TENM2: variants seen among roughly 807,000 people sequenced by gnomAD.
TENM2 encodes teneurin transmembrane protein 2, also known as teneurin-2.
A neutral mutation model predicts 245.2 loss-of-function variants in TENM2; 52 were observed. The observed-to-expected ratio is 0.21, with a 90% CI of 0.17 to 0.27. The LOEUF (loss-of-function observed/expected upper bound fraction) is 0.27. Ranked by LOEUF, TENM2 falls within the 10% of genes least tolerant of loss-of-function variation. TENM2 has a pLI of 1.00. For synonymous variants in TENM2, 1,363 were observed against 1,438.9 expected, an observed-to-expected ratio of 0.95 and a Z score of 1.19; for missense variants, 3,046 against 3,666.8, an observed-to-expected ratio of 0.83 and a Z score of 4.37.
At chr5:167,838,805 G>A (rs1257240572) in intron 2 of TENM2, among the ~76,000 whole-genome samples, 2 of 152,130 alleles carry the variant, frequency 1.3e-5, no homozygotes, top group Non-Finnish European at 2.9e-5. Flanking sequence ...ATTATAGATC[G>A]GGGTTTCAAC....
chr5:168,067,354 T>C (rs1031361649), intron 7 of TENM2, among the ~76,000 whole-genome samples: 2 of 151,994 alleles, frequency 1.3e-5, no homozygotes, highest in African/African-American at 4.8e-5. Flanking sequence ...CATTAGCCAA[T>C]AGGGAGGAAC....
chr5:167,778,427 G>A (rs1763959382), intron 2 of TENM2, among the ~76,000 whole-genome samples: 1 of 152,162 alleles, frequency 6.6e-6, no homozygotes, highest in African/African-American at 2.4e-5. Context: ...CAAATACAGA[G>A]CATGGCTTAA....
intron 2 of TENM2, among the ~76,000 whole-genome samples, chr5:167,776,662 T>C (rs1007197134): frequency 2.3e-5 from 3 of 128,494 alleles, no homozygotes; most frequent in Non-Finnish European, 4.8e-5. Context: ...TATATATATA[T>C]ATTTTTCATT....
chr5:168,153,279 G>T (rs1284174102), intron 12 of TENM2, among the ~76,000 whole-genome samples: 1 of 152,156 alleles, frequency 6.6e-6, no homozygotes, highest in African/African-American at 2.4e-5. Context: ...ATTTAATTGG[G>T]ATGCAGTTTA....
At chr5:167,544,977 G>T (rs537917879) in intron 2 of TENM2, among the ~76,000 whole-genome samples, 1 of 152,054 alleles carries the variant, frequency 6.6e-6, no homozygotes, top group Non-Finnish European at 1.5e-5. Flanking sequence ...ATAGTTCACT[G>T]TCCCTGAGAA....
intron 12 of TENM2, among the ~76,000 whole-genome samples, chr5:168,146,258 T>C (rs1756069678): frequency 6.6e-6 from 1 of 152,048 alleles, no homozygotes; most frequent in Non-Finnish European, 1.5e-5. Context: ...CATAAACAGC[T>C]ATGTAGCATA....
At chr5:167,724,839 C>T (rs560773284) in intron 2 of TENM2, among the ~76,000 whole-genome samples, 8 of 152,188 alleles carry the variant, frequency 5.3e-5, no homozygotes, top group East Asian at 1.9e-4. Context: ...CTGTCGAGCC[C>T]GCAGTCGTAG....
intron 2 of TENM2, among the ~76,000 whole-genome samples, chr5:167,632,169 G>C (rs1302277223): frequency 6.6e-6 from 1 of 152,072 alleles, no homozygotes; most frequent in East Asian, 1.9e-4. Context: ...GACCCAGTAG[G>C]GCCCACCTGA....
At chr5:167,082,740 A>G in the TENM2 span, among the ~76,000 whole-genome samples, 1 of 152,200 alleles carries the variant, frequency 6.6e-6, no homozygotes, top group Admixed American at 6.6e-5. Flanking sequence ...CAGAACTTTT[A>G]TTAGCCAATA....
intron 2 of TENM2, among the ~76,000 whole-genome samples, chr5:167,444,584 T>C (rs1561960964): frequency 2.6e-5 from 4 of 152,188 alleles, no homozygotes; most frequent in Non-Finnish European, 5.9e-5. Flanking sequence ...AGAAGTAGGT[T>C]ACTGATCCTA....
At chr5:167,065,171 C>T in the TENM2 span, among the ~76,000 whole-genome samples, 2 of 152,022 alleles carry the variant, frequency 1.3e-5, no homozygotes, top group African/African-American at 4.8e-5. Flanking sequence ...ATGTGTATCC[C>T]TCACTTTTGT....
At chr5:167,845,275 AC>A (rs1354869130) in intron 2 of TENM2, among the ~76,000 whole-genome samples, 48 of 105,980 alleles carry the variant, frequency 4.5e-4, no homozygotes, top group Admixed American at 8.7e-4. Flanking sequence ...ACACACACAC[AC>A]ACACAACACG....
At chr5:167,249,631 A>T in the TENM2 span, among the ~76,000 whole-genome samples, 17 of 152,230 alleles carry the variant, frequency 1.1e-4, no homozygotes, top group South Asian at 2.1e-4. Context: ...TCTTGTTGTC[A>T]TTTAAGGAAG....
intron 2 of TENM2, among the ~76,000 whole-genome samples, chr5:167,814,901 T>C (rs1766929033): frequency 6.6e-6 from 1 of 152,190 alleles, no homozygotes; most frequent in Admixed American, 6.5e-5. Context: ...ACCCAGAATG[T>C]GTGAGGAAAC....
Position 168,244,700 on chromosome 5 carries a change from A to C in TENM2, c.5801A>C (p.Tyr1934Ser). ...TTCGCTGACGGGAAAGTGTGGAGCT[A>C]CTCCTACCTTGACAAGGTAGGTGAA... Residue 1934 changes from tyrosine (Y) to serine (S), a missense_variant, in exon 26 of 29, where the codon TAC (tyrosine) becomes TCC (serine). This residue lies in a region of TENM2 where 2,704 missense variants were observed against 3,331.9 expected (regional missense o/e 0.81). Transcript: ENST00000518659. This position sits in a 1 kb window ranked among gnomAD's most constrained non-coding sequence, Gnocchi z 4.9. 6.9e-7 allele frequency: 1 copy of C among 1,456,614 alleles called. No individual in the cohort carries two copies. Among genetic ancestry groups the C allele is most frequent in the Non-Finnish European group, 9.1e-7 (1 of 1,094,108 alleles). 90.2% of individuals were successfully genotyped at this position (1,456,614 alleles called of 1,614,324 possible). A position where few individuals can be genotyped will look rare whatever the true frequency, so the allele number is the denominator to read the frequency against.
At chr5:168,131,564 G>A (rs539296155) in intron 12 of TENM2, among the ~76,000 whole-genome samples, 1 of 152,300 alleles carries the variant, frequency 6.6e-6, no homozygotes, top group South Asian at 2.1e-4. Context: ...CCGATGTGCT[G>A]ATTAAGTGAT....
chr5:167,939,760 C>G (rs537539397), intron 3 of TENM2, among the ~76,000 whole-genome samples: 1 of 152,310 alleles, frequency 6.6e-6, no homozygotes, highest in African/African-American at 2.4e-5. Context: ...GCAAATCATC[C>G]TCTTTCTGTG....
chr5:167,929,963 A>T (rs551970498), intron 3 of TENM2, among the ~76,000 whole-genome samples: 1 of 152,218 alleles, frequency 6.6e-6, no homozygotes, highest in Non-Finnish European at 1.5e-5. Context: ...TGTCCTCTTC[A>T]TGCACCAATT....
At chr5:167,071,432 C>T in the TENM2 span, among the ~76,000 whole-genome samples, 1 of 152,062 alleles carries the variant, frequency 6.6e-6, no homozygotes, top group Non-Finnish European at 1.5e-5. Flanking sequence ...AATCAAAGAA[C>T]CGTATTCCTT....
Sources: gnomAD v4.1 joint callset for allele counts (sites outside exome capture counted in the v4.1 genomes callset) on GRCh38, gnomAD v4.1.1 for gene constraint, gnomAD v4.1.1 regional missense constraint, Gnocchi (gnomAD v3.1) non-coding constraint, MANE v1.5 for transcripts, NCBI Gene and HGNC (gene_info 2026-07-23, HGNC 2026-07-21) for gene names.